WDHD1: variants seen among roughly 807,000 people sequenced by gnomAD.
The protein encoded by WDHD1 is WD repeat and HMG-box DNA binding protein 1, also known as WD repeat and HMG-box DNA-binding protein 1.
A neutral mutation model predicts 135.4 loss-of-function variants in WDHD1; 111 were observed. The ratio of observed to expected loss-of-function variants is 0.82; its 90% CI spans 0.70 to 0.96. The LOEUF (loss-of-function observed/expected upper bound fraction) is 0.96, where lower values mean the gene tolerates loss of function less well. WDHD1 is among the 40% of genes least tolerant of loss of function. WDHD1 has a pLI of 0.00. For synonymous variants in WDHD1, 434 were observed against 439.0 expected (o/e 0.99, Z 0.14); for missense variants, 1,351 against 1,336.3 (o/e 1.01, Z -0.17).
At chr14:54,997,979 C>T (rs575591907) in intron 10 of WDHD1, among the ~76,000 whole-genome samples, 3 of 151,548 alleles carry the variant, frequency 2.0e-5, no homozygotes, top group Non-Finnish European at 4.4e-5. Context: ...TGGGGGGCTG[C>T]GGTGGGTGGA....
At chr14:54,943,315 T>A (rs1273990275) in intron 25 of WDHD1, among the ~76,000 whole-genome samples, 3 of 152,204 alleles carry the variant, frequency 2.0e-5, no homozygotes, top group Non-Finnish European at 4.4e-5. Context: ...ATTTAATGTG[T>A]AAGTAGATAC....
At chr14:55,000,262 A>G (rs1053612998) in intron 10 of WDHD1, among the ~76,000 whole-genome samples, 1 of 152,180 alleles carries the variant, frequency 6.6e-6, no homozygotes, top group African/African-American at 2.4e-5. Context: ...AATAGTATTT[A>G]ATGAAAGGTA....
intron 8 of WDHD1, among the ~76,000 whole-genome samples, chr14:55,001,726 T>C (rs2041984387): frequency 6.6e-6 from 1 of 152,244 alleles, no homozygotes; most frequent in Non-Finnish European, 1.5e-5. Flanking sequence ...TTTCCTTAAC[T>C]GTAAATATCT....
chr14:54,979,048 T>C (rs1230903211), intron 16 of WDHD1, among the ~76,000 whole-genome samples: 2 of 152,158 alleles, frequency 1.3e-5, no homozygotes, highest in African/African-American at 4.8e-5. Flanking sequence ...ACTAAATTCA[T>C]TGCCAAAAGA....
chr14:54,953,505 C>T (rs549297379), intron 24 of WDHD1, among the ~76,000 whole-genome samples: 59 of 152,280 alleles, frequency 3.9e-4, no homozygotes, highest in Non-Finnish European at 4.4e-5. Context: ...GAAATAGGAA[C>T]ACTTTTACAC....
At chr14:54,942,780 G>C (rs1314035266) in intron 25 of WDHD1, among the ~76,000 whole-genome samples, 1 of 152,122 alleles carries the variant, frequency 6.6e-6, no homozygotes, top group Non-Finnish European at 1.5e-5. Flanking sequence ...GGCTCTTCAA[G>C]CTGTAGAATT....
At chr14:54,985,338 C>T (rs574496538) in intron 14 of WDHD1, among the ~76,000 whole-genome samples, 10 of 152,260 alleles carry the variant, frequency 6.6e-5, no homozygotes, top group African/African-American at 2.4e-4. Context: ...GAACTGCAAG[C>T]TGGAGCCTGC....
intron 11 of WDHD1, among the ~76,000 whole-genome samples, chr14:54,994,227 G>T (rs1295296918): frequency 6.6e-6 from 1 of 152,044 alleles, no homozygotes; most frequent in Non-Finnish European, 1.5e-5. Context: ...ATACTATTCA[G>T]GTTATCTATT....
chr14:54,962,717 G>A (rs1210105980), intron 20 of WDHD1, 21 bp downstream of exon 20: 2 of 1,610,336 alleles, frequency 1.2e-6, no homozygotes, highest in East Asian at 2.2e-5. Context: ...CATGATTTAT[G>A]GGCTTGAAAA....
intron 11 of WDHD1, 112 bp downstream of exon 11, chr14:54,995,491 T>C (rs2041862949): frequency 1.2e-6 from 1 of 816,026 alleles, no homozygotes. Context: ...AAATTTCCTC[T>C]AAGCACCACT....
chr14:54,987,311 T>C lies in WDHD1; in HGVS notation c.1603A>G (p.Ile535Val), dbSNP rs756192704. The C allele has an allele frequency of 9.3e-6, 15 of 1,614,138 alleles. 1 individual carries two copies. The South Asian group carries it at 1.4e-4, about 15-fold the overall frequency. ...CCTTGACCGAGACATATGGCTTCAATATCCTCATTCTGAGGCAAGTCTATT... is the reference window on the plus strand; with the variant it reads ...CCTTGACCGAGACATATGGCTTCAACATCCTCATTCTGAGGCAAGTCTATT... Reference protein sequence around the residue: ...WIIDLPQNEDIEAICLGQGWA... With the variant: ...WIIDLPQNEDVEAICLGQGWA... The change falls in exon 14 of 26, where the codon ATT becomes GTT. Residue 535 changes from isoleucine (I) to valine (V), a missense_variant. Coordinates refer to ENST00000360586, the MANE Select transcript of WDHD1 (RefSeq NM_007086.4).
At chr14:55,007,513 A>T (rs2042093536) in intron 6 of WDHD1, 138 bp from the exon 7 acceptor site, 2 of 595,762 alleles carry the variant, frequency 3.4e-6, no homozygotes, top group Non-Finnish European at 5.7e-6. Context: ...TAATTATAAT[A>T]ATACCTGATA....
intron 13 of WDHD1, among the ~76,000 whole-genome samples, chr14:54,988,759 C>A (rs1384292689): frequency 1.4e-5 from 2 of 144,168 alleles, no homozygotes; most frequent in African/African-American, 2.6e-5. Context: ...AAGCACTTAA[C>A]AATGTAAAAA....
intron 3 of WDHD1, among the ~76,000 whole-genome samples, chr14:55,013,121 G>A (rs2042198516): frequency 6.7e-6 from 1 of 149,284 alleles, no homozygotes. Flanking sequence ...AGCTGCCCGG[G>A]AGGCTGAACT....
chr14:54,979,139 C>A (rs1381227849), intron 16 of WDHD1, among the ~76,000 whole-genome samples: 2 of 152,054 alleles, frequency 1.3e-5, no homozygotes, highest in East Asian at 3.9e-4. Flanking sequence ...CACCCCAAAT[C>A]TTTGCTCCTC....
intron 24 of WDHD1, among the ~76,000 whole-genome samples, chr14:54,948,671 T>A (rs2040978307): frequency 1.3e-5 from 2 of 152,104 alleles, no homozygotes; most frequent in Non-Finnish European, 2.9e-5. Context: ...CAGCACAGAG[T>A]TTGAGATCTG....
intron 2 of WDHD1, among the ~76,000 whole-genome samples, chr14:55,024,143 A>G (rs1566748699): frequency 6.6e-6 from 1 of 152,222 alleles, no homozygotes; most frequent in Non-Finnish European, 1.5e-5. Context: ...AAGTAGACAT[A>G]CACAATTCAA....
chr14:55,015,057 T>C (rs190078568), intron 2 of WDHD1, among the ~76,000 whole-genome samples: 135 of 151,904 alleles, frequency 8.9e-4, no homozygotes, highest in African/African-American at 3.0e-3. Context: ...CTATAGAGAG[T>C]AGATAGGAGG....
intron 7 of WDHD1, among the ~76,000 whole-genome samples, chr14:55,002,424 C>T (rs1046731891): frequency 1.2e-4 from 18 of 152,100 alleles, no homozygotes; most frequent in South Asian, 8.3e-4. Flanking sequence ...GCATACACCA[C>T]TGTGCCAGGC....
Sources: allele counts gnomAD v4.1 joint callset (sites outside exome capture counted in the v4.1 genomes callset), GRCh38; gene constraint gnomAD v4.1.1; transcripts MANE v1.5; gene names NCBI Gene and HGNC (gene_info 2026-07-23, HGNC 2026-07-21).